Variants in PRDM16 observed in about 807,000 individuals in gnomAD.
The protein encoded by PRDM16 is PR/SET domain 16.
Under a neutral mutation model 110.6 loss-of-function variants are expected in PRDM16, and 23 were observed. That is an observed-to-expected ratio of 0.21 (90% confidence interval 0.15 to 0.29). PRDM16 has a LOEUF of 0.29. PRDM16 is among the 10% of genes least tolerant of loss of function. PRDM16 has a pLI of 1.00. For synonymous variants in PRDM16, 799 were observed against 781.8 expected (o/e 1.02, Z -0.37); for missense variants, 1,615 against 1,794.3 (o/e 0.90, Z 1.81).
intron 3 of PRDM16, among the ~76,000 whole-genome samples, chr1:3,297,621 A>C (rs1430691151): frequency 6.6e-6 from 1 of 152,088 alleles, no homozygotes; most frequent in East Asian, 1.9e-4. Context: ...GTGGCTTTAT[A>C]GCAGGCAGGT....
At chr1:3,414,034 C>T (rs1407566831) in intron 9 of PRDM16, among the ~76,000 whole-genome samples, 1 of 152,204 alleles carries the variant, frequency 6.6e-6, no homozygotes, top group African/African-American at 2.4e-5. Context: ...GGGCAGCACA[C>T]CCCGTGCCAG....
chr1:3,336,650 G>C (rs200966021), intron 3 of PRDM16, among the ~76,000 whole-genome samples: 1 of 148,330 alleles, frequency 6.7e-6, no homozygotes, highest in South Asian at 2.1e-4. Flanking sequence ...GTTGGAGTGA[G>C]TGTGTGTATG....
At chr1:3,343,178 A>G (rs1005746635) in intron 3 of PRDM16, among the ~76,000 whole-genome samples, 4 of 150,222 alleles carry the variant, frequency 2.7e-5, no homozygotes, top group African/African-American at 4.9e-5. Flanking sequence ...AGTCTTTTAC[A>G]TTATAACCGT....
At chr1:3,242,899 C>CCG (rs1639707606) in intron 2 of PRDM16, among the ~76,000 whole-genome samples, 2 of 152,240 alleles carry the variant, frequency 1.3e-5, no homozygotes, top group African/African-American at 4.8e-5. Context: ...GTATACTCGA[C>CCG]CGTGCATGGC....
chr1:3,424,789 AGGGAGCTGGTCT>A (rs200799050), intron 12 of PRDM16: 2 of 152,402 alleles, frequency 1.3e-5, no homozygotes, highest in Non-Finnish European at 2.9e-5. Context: ...GGAAGGTCAC[AGGGAGCTGGTCT>A]GGGAGCTGGT....
intron 9 of PRDM16, among the ~76,000 whole-genome samples, chr1:3,413,307 T>G (rs1242120960): frequency 6.6e-6 from 1 of 151,644 alleles, no homozygotes; most frequent in East Asian, 1.9e-4. Context: ...GGGGGTGTCT[T>G]TCTGGGGGCC....
rs74050109 is a variant in PRDM16, at chr1:3,118,790, C to T, written c.37+49494C>T. Among the ~76,000 whole-genome samples, 1,486 of 152,238 alleles carry T rather than the reference C, an allele frequency of 9.8e-3. 29 individuals are homozygous for T. The highest frequency in any genetic ancestry group is 0.034 in the African/African-American group (1,411 of 41,552). ...TGGCGTGCTAGGGCGTGCGTGTACA[C>T]GTTTGTGTGCAAGTGTGTGTGCACG... On this transcript the variant is annotated intron_variant, in intron 1 of 16. Coordinates refer to ENST00000270722, the MANE Select transcript of PRDM16 (RefSeq NM_022114.4).
intron 4 of PRDM16, among the ~76,000 whole-genome samples, chr1:3,395,013 G>A (rs1315755546): frequency 6.6e-6 from 1 of 152,168 alleles, no homozygotes; most frequent in African/African-American, 2.4e-5. Flanking sequence ...ACTGACAGAG[G>A]CCGTGCACCT....
intron 1 of PRDM16, among the ~76,000 whole-genome samples, chr1:3,078,337 C>T (rs2993488): frequency 0.16 from 24,605 of 152,160 alleles, 2,208 homozygotes; most frequent in South Asian, 0.2. Flanking sequence ...TGTGGCGAGT[C>T]GGGGCTCAGC....
At position 3,201,804 on chromosome 1, in the gene PRDM16, C is replaced by G. The variant is rs548596228; in HGVS notation, c.387+15330C>G. Among the ~76,000 whole-genome samples, 2 of 152,364 alleles carry G rather than the reference C, an allele frequency of 1.3e-5. No homozygotes were observed. Among genetic ancestry groups the G allele is most frequent in the East Asian group, 3.9e-4 (2 of 5,182 alleles). On this transcript the variant is annotated intron_variant, in intron 2 of 16. Coordinates refer to ENST00000270722, the MANE Select transcript of PRDM16 (RefSeq NM_022114.4). The surrounding 1 kb of genome is among the most constrained non-coding windows in gnomAD (Gnocchi z 4.1). ...TCTCCCACCTGGCCTCTGTTTCTAC[C>G]TCGGGTTGGTGTCTCCCGCCCACTT...
chr1:3,287,493 G>A (rs557012620), intron 3 of PRDM16, among the ~76,000 whole-genome samples: 1 of 83,748 alleles, frequency 1.2e-5, no homozygotes, highest in Non-Finnish European at 2.5e-5. Context: ...TGCATTTACC[G>A]GGGCTGGAGC....
chr1:3,176,702 G>T (rs1045234857), intron 1 of PRDM16, among the ~76,000 whole-genome samples: 1 of 140,088 alleles, frequency 7.1e-6, no homozygotes, highest in Non-Finnish European at 1.6e-5. Flanking sequence ...TCCACCATCT[G>T]TCCATCTATC....
intron 5 of PRDM16, among the ~76,000 whole-genome samples, chr1:3,399,178 A>G (rs919480211): frequency 3.3e-5 from 5 of 152,210 alleles, no homozygotes; most frequent in African/African-American, 7.2e-5. Flanking sequence ...TTCCATTCCC[A>G]TATGCTTTTC....
chr1:3,376,143 G>A (rs767263291), intron 3 of PRDM16, among the ~76,000 whole-genome samples: 36 of 152,316 alleles, frequency 2.4e-4, no homozygotes, highest in Middle Eastern at 3.4e-3. Flanking sequence ...GCATCTGGGT[G>A]ACTGGAGCTT....
rs752353194 is a variant in PRDM16, at chr1:3,411,989, A to G, written c.1792A>G (p.Met598Val). ...GAAGCTGAAGACCAGGAGCAGCGAC[A>G]TGTCGGACGGCAGTGACTTTGAGGA... ...VEKLKTRSSD[M>V]SDGSDFEDVN... The change falls in exon 9 of 17, where the codon ATG (methionine) becomes GTG (valine). Residue 598 changes from methionine (M) to valine (V), a missense_variant. By Grantham distance (21) the Met-to-Val change is conservative. Transcript: ENST00000270722. 5 of 1,613,470 alleles carry G rather than the reference A, an allele frequency of 3.1e-6. No individual in the cohort carries two copies. Among genetic ancestry groups the G allele is most frequent in the African/African-American group, 2.7e-5 (2 of 74,906 alleles).
intron 3 of PRDM16, among the ~76,000 whole-genome samples, chr1:3,319,053 G>T (rs1013856100): frequency 1.3e-5 from 2 of 152,208 alleles, no homozygotes; most frequent in Non-Finnish European, 2.9e-5. Context: ...GACTGTCTGT[G>T]CAGGGGTTGT....
At chr1:3,098,211 G>A (rs928217005) in intron 1 of PRDM16, among the ~76,000 whole-genome samples, 1 of 152,152 alleles carries the variant, frequency 6.6e-6, no homozygotes, top group Non-Finnish European at 1.5e-5. Flanking sequence ...GGCTCATGGG[G>A]CTGGATCCAG....
At chr1:3,348,805 C>A (rs1642417620) in intron 3 of PRDM16, among the ~76,000 whole-genome samples, 1 of 152,346 alleles carries the variant, frequency 6.6e-6, no homozygotes, top group Non-Finnish European at 1.5e-5. Flanking sequence ...CAACTCCACC[C>A]ACTCTCCCAA....
chr1:3,326,758 C>T (rs1013156764), intron 3 of PRDM16, among the ~76,000 whole-genome samples: 3 of 152,208 alleles, frequency 2.0e-5, no homozygotes, highest in Non-Finnish European at 2.9e-5. Context: ...CTCTCTGGAG[C>T]GTTCTGGCTC....
Sources: allele counts gnomAD v4.1 joint callset (sites outside exome capture counted in the v4.1 genomes callset), GRCh38; gene constraint gnomAD v4.1.1; non-coding constraint Gnocchi (gnomAD v3.1); transcripts MANE v1.5; gene names NCBI Gene and HGNC (gene_info 2026-07-23, HGNC 2026-07-21).